Variants in ASB13 observed in about 807,000 individuals in gnomAD.
ASB13 encodes ankyrin repeat and SOCS box containing 13.
In ASB13, 33 loss-of-function variants were observed where a neutral mutation model predicts 28.8. That is an observed-to-expected ratio of 1.15 (90% CI 0.87 to 1.53). The LOEUF is 1.53. Ranked by LOEUF, ASB13 falls within the 40% of genes most tolerant of loss-of-function variation. The probability of loss-of-function intolerance (pLI) is 0.00; values close to 1 mark genes in which losing one functional copy is unlikely to be tolerated. For missense variants in ASB13, 414 were observed against 390.1 expected (o/e 1.06, Z -0.52); for synonymous variants, 182 against 172.9 (o/e 1.05, Z -0.41).
rs1178115245 is a variant in ASB13, at chr10:5,645,483, G to A, written c.517+3487C>T. On this transcript the variant is annotated intron_variant, in intron 4 of 5. Transcript: ENST00000357700. The surrounding 1 kb of genome is among the most constrained non-coding windows in gnomAD (Gnocchi z 5.4). ...TCACCCTCCCCAGCCCTCCTCCTTT[G>A]CAAATACAATCTGGTTCCTGGACTC... Among the ~76,000 whole-genome samples the A allele has an allele frequency of 2.6e-5, 4 of 152,046 alleles. No homozygotes were observed. The highest frequency in any genetic ancestry group is 9.7e-5 in the African/African-American group (4 of 41,386).
chr10:5,654,889 G>C (rs948726029), intron 1 of ASB13, among the ~76,000 whole-genome samples: 1 of 152,160 alleles, frequency 6.6e-6, no homozygotes, highest in East Asian at 1.9e-4. Context: ...TTGAGGTCAG[G>C]AGTTCGAAAC....
rs1835141237 is a variant in ASB13, at chr10:5,660,392, G to A, written c.43+6117C>T. On this transcript the variant is annotated intron_variant, in intron 1 of 5. Coordinates refer to ENST00000357700, the MANE Select transcript of ASB13 (RefSeq NM_024701.4). This position sits in a 1 kb window ranked among gnomAD's most constrained non-coding sequence, Gnocchi z 6.1. ...GGGCCCCGACACCCTCCCATCTAAGGCTGTGCCCTGCCCCAGGACTGACCT... is the reference window on the plus strand; with the variant it reads ...GGGCCCCGACACCCTCCCATCTAAGACTGTGCCCTGCCCCAGGACTGACCT... Among the ~76,000 whole-genome samples, 1 of 152,216 alleles carries A rather than the reference G, an allele frequency of 6.6e-6. No homozygotes were observed. Among genetic ancestry groups the A allele is most frequent in the Admixed American group, 6.5e-5 (1 of 15,302 alleles).
rs1834773684 is a variant in ASB13, at chr10:5,639,520, T to G, written c.*1183A>C. On this transcript the variant is annotated 3_prime_UTR_variant, in exon 6 of 6. Coordinates refer to ENST00000357700, the MANE Select transcript of ASB13 (RefSeq NM_024701.4). ...AACTCCCTGTTGTGGGCGGGGTTCT[T>G]AAAATTTATGAAGGCAAAGACTCCT... 6.6e-6 allele frequency: 1 copy of G among 152,188 alleles called. No individual in the cohort carries two copies. Among genetic ancestry groups the G allele is most frequent in the Admixed American group, 6.5e-5 (1 of 15,280 alleles). 9.4% of individuals were successfully genotyped at this position (152,188 alleles called of 1,614,324 possible). A position where few individuals can be genotyped will look rare whatever the true frequency, so the allele number is the denominator to read the frequency against.
rs34881215 is a variant in ASB13, at chr10:5,653,657, CATTTATTTATTTATTTATTT to C, written c.44-627_44-608del. On this transcript the variant is annotated intron_variant, in intron 1 of 5. Transcript: ENST00000357700. Reference sequence around the variant, plus strand: ...ACTTCTTCCTTTCTAATGTGGATGCCATTTATTTATTTATTTATTTATTTATTTATTTATTTATTTATGAG... The same window carrying C: ...ACTTCTTCCTTTCTAATGTGGATGCCATTTATTTATTTATTTATTTATGAG... 7.3e-3 allele frequency among the ~76,000 whole-genome samples: 1,089 copies of C among 148,630 alleles called. 15 individuals carry two copies. Among genetic ancestry groups the C allele is most frequent in the African/African-American group, 0.024 (960 of 40,322 alleles).
chr10:5,662,306 G>A (rs941162419), intron 1 of ASB13, among the ~76,000 whole-genome samples: 2 of 151,836 alleles, frequency 1.3e-5, no homozygotes, highest in Admixed American at 6.6e-5. Context: ...ATCACCTGAG[G>A]TCAAGAGTTC....
intron 4 of ASB13, among the ~76,000 whole-genome samples, chr10:5,647,368 G>C (rs1211589498): frequency 6.6e-6 from 1 of 152,210 alleles, no homozygotes; most frequent in Non-Finnish European, 1.5e-5. Flanking sequence ...TAAAAACCCT[G>C]TGCTAACAGT....
At position 5,663,159 on chromosome 10, in the gene ASB13, C is replaced by A. The variant is rs557965956; in HGVS notation, c.43+3350G>T. On this transcript the variant is annotated intron_variant, in intron 1 of 5. Transcript: ENST00000357700. This position sits in a 1 kb window ranked among gnomAD's most constrained non-coding sequence, Gnocchi z 4.9. ...GCCAGTATTTGCCTTCTTAGAGGGA[C>A]AAAATGGTCAAAACTCAGTAAGAGT... 4.5e-4 allele frequency among the ~76,000 whole-genome samples: 69 copies of A among 151,656 alleles called. No homozygotes were observed. Among genetic ancestry groups the A allele is most frequent in the Non-Finnish European group, 9.0e-4 (61 of 67,942 alleles).
intron 4 of ASB13, among the ~76,000 whole-genome samples, chr10:5,646,339 G>T (rs1040141054): frequency 2.6e-5 from 4 of 152,286 alleles, no homozygotes; most frequent in Non-Finnish European, 4.4e-5. Flanking sequence ...TAATGACCCA[G>T]GCTTCAGCCC....
chr10:5,646,453 G>A (rs905306198), intron 4 of ASB13, among the ~76,000 whole-genome samples: 6 of 152,242 alleles, frequency 3.9e-5, no homozygotes, highest in East Asian at 3.8e-4. Flanking sequence ...AACAGGAAAC[G>A]TCTGGCGTGT....
chr10:5,644,819 GAAAA>G lies in ASB13; in HGVS notation c.518-2862_518-2859del, dbSNP rs199551751. 1.3e-5 allele frequency among the ~76,000 whole-genome samples: 2 copies of G among 150,772 alleles called. No individual in the cohort carries two copies. Among genetic ancestry groups the G allele is most frequent in the Non-Finnish European group, 3.0e-5 (2 of 67,678 alleles). Reference sequence around the variant, plus strand: ...GGTGACAGAACGAGACTCCATCTCAGAAAAAAAAGAAAGAAAGAAGGGAACAGAT... The same window carrying G: ...GGTGACAGAACGAGACTCCATCTCAGAAAAGAAAGAAAGAAGGGAACAGAT... On this transcript the variant is annotated intron_variant, in intron 4 of 5. Transcript: ENST00000357700. This position sits in a 1 kb window ranked among gnomAD's most constrained non-coding sequence, Gnocchi z 5.1.
rs979986038 is a variant in ASB13 at position 5,642,532 on chromosome 10, A to G, written c.518-571T>C. 1.6e-6 allele frequency: 2 copies of G among 1,250,228 alleles called. No individual in the cohort carries two copies. The highest frequency in any genetic ancestry group is 2.8e-5 in the South Asian group (2 of 72,250). The allele number at this position is 1,250,228 out of a possible 1,614,324, so 77.4% of individuals were successfully genotyped here. On this transcript the variant is annotated intron_variant, in intron 4 of 5. Transcript: ENST00000357700. The surrounding 1 kb of genome is among the most constrained non-coding windows in gnomAD (Gnocchi z 4.1). ...CTCTGCACTCCTCAACTTTCTCACG[A>G]TAAGAGCAGACATTCATCAAGCTGA...
chr10:5,650,336 C>T lies in ASB13; in HGVS notation c.382+877G>A, dbSNP rs1834965257. 6.6e-6 allele frequency among the ~76,000 whole-genome samples: 1 copy of T among 152,196 alleles called. No individual in the cohort carries two copies. The highest frequency in any genetic ancestry group is 2.1e-4 in the South Asian group (1 of 4,832). On this transcript the variant is annotated intron_variant, in intron 3 of 5. Transcript: ENST00000357700. The surrounding 1 kb of genome is among the most constrained non-coding windows in gnomAD (Gnocchi z 6.0). ...ATGAACCTTCCCCAAATTCTGTTTT[C>T]CTGACCCTCGACATCTGCTCAGAAA... is the stretch of plus-strand genomic sequence containing the variant.
Position 5,649,470 on chromosome 10 carries a change from C to T in ASB13, c.383-366G>A, listed in dbSNP as rs542877506. ...GCACTGAGCCCAGCCTCCCAGGAAA[C>T]CCCCCAGACTTTCTTATGCAGGTCA... On this transcript the variant is annotated intron_variant, in intron 3 of 5. Transcript: ENST00000357700. This position sits in a 1 kb window ranked among gnomAD's most constrained non-coding sequence, Gnocchi z 6.4. Among the ~76,000 whole-genome samples, 11,378 of 152,020 alleles carry T rather than the reference C, an allele frequency of 0.075. 543 individuals carry two copies. Among genetic ancestry groups the T allele is most frequent in the Middle Eastern group, 0.15 (44 of 294 alleles).
At position 5,652,665 on chromosome 10, in the gene ASB13, G is replaced by A. The variant is rs1381593222; in HGVS notation, c.231+198C>T. Among the ~76,000 whole-genome samples, 1 of 152,136 alleles carries A rather than the reference G, an allele frequency of 6.6e-6. No homozygotes were observed. Among genetic ancestry groups the A allele is most frequent in the African/African-American group, 2.4e-5 (1 of 41,430 alleles). The stretch of plus-strand genomic sequence containing the variant: ...GCACTCCCATCATCAATTTGCTCAG[G>A]CTGCCCTTTCTTCCACCACCGTGAC... On this transcript the variant is annotated intron_variant, in intron 2 of 5. Transcript: ENST00000357700. The surrounding 1 kb of genome is among the most constrained non-coding windows in gnomAD (Gnocchi z 5.0).
At chr10:5,662,815 A>G (rs997416795) in intron 1 of ASB13, among the ~76,000 whole-genome samples, 4 of 152,202 alleles carry the variant, frequency 2.6e-5, no homozygotes, top group Admixed American at 6.5e-5. Flanking sequence ...GTGACAACTA[A>G]AGACAGTGTA....
At position 5,652,411 on chromosome 10, in the gene ASB13, T is replaced by C. The variant is rs917970123; in HGVS notation, c.231+452A>G. ...TGCTGACCAGAAACCCCCGGTGGCT[T>C]AATACTAGCCAGGGTGGGAACATTT... On this transcript the variant is annotated intron_variant, in intron 2 of 5. Coordinates refer to ENST00000357700, the MANE Select transcript of ASB13 (RefSeq NM_024701.4). This position sits in a 1 kb window ranked among gnomAD's most constrained non-coding sequence, Gnocchi z 5.0. Among the ~76,000 whole-genome samples the C allele has an allele frequency of 3.3e-5, 5 of 152,162 alleles. No individual in the cohort carries two copies. Among genetic ancestry groups the C allele is most frequent in the Admixed American group, 6.5e-5 (1 of 15,286 alleles).
In ASB13 at chr10:5,649,463, C is replaced by T. The variant is rs1834950496; in HGVS notation, c.383-359G>A. Among the ~76,000 whole-genome samples, 1 of 150,584 alleles carries T rather than the reference C, an allele frequency of 6.6e-6. No homozygotes were observed. The highest frequency in any genetic ancestry group is 1.5e-5 in the Non-Finnish European group (1 of 67,028). ...GCTGTCAGCACTGAGCCCAGCCTCC[C>T]AGGAAACCCCCCAGACTTTCTTATG... On this transcript the variant is annotated intron_variant, in intron 3 of 5. Coordinates refer to ENST00000357700, the MANE Select transcript of ASB13 (RefSeq NM_024701.4). This position sits in a 1 kb window ranked among gnomAD's most constrained non-coding sequence, Gnocchi z 6.4.
rs1170483387 is a variant in ASB13 at position 5,650,757 on chromosome 10, G to A, written c.382+456C>T. Among the ~76,000 whole-genome samples the A allele has an allele frequency of 1.3e-5, 2 of 152,210 alleles. No homozygotes were observed. The highest frequency in any genetic ancestry group is 6.5e-5 in the Admixed American group (1 of 15,286). ...TCTGCAGTCTGCCTATTCTTGGGGGGCAGATGAGGTCCCACCTGCTCCCTG... is the reference window on the plus strand; with the variant it reads ...TCTGCAGTCTGCCTATTCTTGGGGGACAGATGAGGTCCCACCTGCTCCCTG... On this transcript the variant is annotated intron_variant, in intron 3 of 5. Coordinates refer to ENST00000357700, the MANE Select transcript of ASB13 (RefSeq NM_024701.4). The surrounding 1 kb of genome is among the most constrained non-coding windows in gnomAD (Gnocchi z 6.0).
rs1369029681 is a variant in ASB13, at chr10:5,651,418, T to C, written c.232-55A>G. Reference sequence around the variant, plus strand: ...GGCAGAGAAATGCCACGCAACCCACTTTCCCATCCTGCTGCAGGTTCATCT... The same window carrying C: ...GGCAGAGAAATGCCACGCAACCCACCTTCCCATCCTGCTGCAGGTTCATCT... On this transcript the variant is annotated intron_variant, in intron 2 of 5. Transcript: ENST00000357700. The surrounding 1 kb of genome is among the most constrained non-coding windows in gnomAD (Gnocchi z 5.1). 1 of 1,480,820 alleles carries C rather than the reference T, an allele frequency of 6.8e-7. No individual in the cohort carries two copies. 91.7% of individuals were successfully genotyped at this position (1,480,820 alleles called of 1,614,324 possible).
Sources: allele counts gnomAD v4.1 joint callset (sites outside exome capture counted in the v4.1 genomes callset), GRCh38; gene constraint gnomAD v4.1.1; non-coding constraint Gnocchi (gnomAD v3.1); transcripts MANE v1.5; gene names NCBI Gene and HGNC (gene_info 2026-07-23, HGNC 2026-07-21).